Variants in TAS2R1 observed in about 807,000 individuals in gnomAD.
TAS2R1 encodes the protein taste receptor type 2 member 1.
For missense variants in TAS2R1, 370 were observed against 353.4 expected (o/e 1.05, Z -0.38); for synonymous variants, 141 against 134.2 (o/e 1.05, Z -0.35).
At chr5:9,821,767 C>T in the TAS2R1 span, among the ~76,000 whole-genome samples, 1 of 152,176 alleles carries the variant, frequency 6.6e-6, no homozygotes, top group Non-Finnish European at 1.5e-5. Flanking sequence ...TTAATTGTAT[C>T]AGGTTTATTA....
intron 1 of TAS2R1, among the ~76,000 whole-genome samples, chr5:9,688,184 G>A (rs549362088): frequency 1.9e-4 from 29 of 152,256 alleles, no homozygotes; most frequent in East Asian, 5.8e-4. Context: ...GAACCCATGC[G>A]ATTTGACATA....
chr5:9,824,306 A>G, the TAS2R1 span, among the ~76,000 whole-genome samples: 5 of 152,190 alleles, frequency 3.3e-5, no homozygotes, highest in African/African-American at 9.7e-5. Flanking sequence ...TCATGCTTCT[A>G]GTATTTAGGG....
chr5:9,766,896 C>T, the TAS2R1 span, among the ~76,000 whole-genome samples: 61 of 152,282 alleles, frequency 4.0e-4, no homozygotes, highest in East Asian at 4.3e-3. Context: ...TTTCCTCCAC[C>T]GCCCTGGCTG....
intron 2 of TAS2R1, among the ~76,000 whole-genome samples, chr5:9,659,197 C>T (rs1740478950): frequency 6.6e-6 from 1 of 152,124 alleles, no homozygotes; most frequent in South Asian, 2.1e-4. Flanking sequence ...CAATTGCACC[C>T]TACACCCGTG....
At chr5:9,687,723 G>A (rs569343000) in intron 1 of TAS2R1, among the ~76,000 whole-genome samples, 4 of 152,264 alleles carry the variant, frequency 2.6e-5, no homozygotes, top group Non-Finnish European at 4.4e-5. Context: ...TCTGCTCCGC[G>A]GGCCCAAGAG....
upstream of TAS2R1, among the ~76,000 whole-genome samples, chr5:9,631,726 A>G (rs1250962922): frequency 1.3e-5 from 2 of 152,260 alleles, no homozygotes; most frequent in South Asian, 2.1e-4. Flanking sequence ...AGAATACTTA[A>G]GATTAATCTT....
chr5:9,685,279 A>C (rs2126513284), intron 1 of TAS2R1, among the ~76,000 whole-genome samples: 1 of 152,240 alleles, frequency 6.6e-6, no homozygotes, highest in East Asian at 1.9e-4. Flanking sequence ...AAAAATATGA[A>C]CTTTTGCTCT....
At chr5:9,815,018 A>G in the TAS2R1 span, among the ~76,000 whole-genome samples, 1 of 152,264 alleles carries the variant, frequency 6.6e-6, no homozygotes, top group African/African-American at 2.4e-5. Flanking sequence ...AAAGCGAGGC[A>G]GAATGGTGAA....
At chr5:9,752,128 T>A in the TAS2R1 span, among the ~76,000 whole-genome samples, 2 of 152,186 alleles carry the variant, frequency 1.3e-5, no homozygotes, top group African/African-American at 4.8e-5. Context: ...AGATCAGAAA[T>A]CTTTAAAATA....
chr5:9,876,927 G>A, the TAS2R1 span, among the ~76,000 whole-genome samples: 58 of 152,272 alleles, frequency 3.8e-4, no homozygotes, highest in Non-Finnish European at 2.2e-4. Context: ...TCAGGTAAAC[G>A]AAAGGAATGA....
At chr5:9,871,922 G>T in the TAS2R1 span, among the ~76,000 whole-genome samples, 1 of 152,124 alleles carries the variant, frequency 6.6e-6, no homozygotes, top group Non-Finnish European at 1.5e-5. Flanking sequence ...GTACAACTCT[G>T]ATATGGACAT....
the TAS2R1 span, among the ~76,000 whole-genome samples, chr5:9,798,220 G>A: frequency 1.7e-4 from 26 of 152,336 alleles, no homozygotes; most frequent in Middle Eastern, 3.4e-3. Context: ...CTTGAGTTGG[G>A]AGAGGGCTCC....
intron 2 of TAS2R1, among the ~76,000 whole-genome samples, chr5:9,652,021 G>C (rs770834878): frequency 2.0e-5 from 3 of 152,204 alleles, no homozygotes; most frequent in Non-Finnish European, 4.4e-5. Context: ...AGGAAATTTA[G>C]AGGTCTGTTG....
chr5:9,639,945 C>T (rs570725786), intron 2 of TAS2R1, among the ~76,000 whole-genome samples: 1 of 152,246 alleles, frequency 6.6e-6, no homozygotes, highest in East Asian at 1.9e-4. Flanking sequence ...ATTTTATTTT[C>T]TTACACTTGA....
intron 2 of TAS2R1, among the ~76,000 whole-genome samples, chr5:9,638,759 G>A (rs528591839): frequency 1.5e-4 from 23 of 152,246 alleles, no homozygotes; most frequent in African/African-American, 5.5e-4. Flanking sequence ...GGGTTAGGTG[G>A]GTGTGGGCTC....
intron 1 of TAS2R1, among the ~76,000 whole-genome samples, chr5:9,696,209 T>C (rs894984730): frequency 5.1e-4 from 78 of 152,250 alleles, no homozygotes; most frequent in African/African-American, 1.8e-3. Flanking sequence ...TGATAAAATA[T>C]TTGACATGAC....
the TAS2R1 span, among the ~76,000 whole-genome samples, chr5:9,766,470 T>C: frequency 6.6e-6 from 1 of 152,144 alleles, no homozygotes; most frequent in South Asian, 2.1e-4. Context: ...TACAGAATGG[T>C]GGTGAAGCAG....
the TAS2R1 span, among the ~76,000 whole-genome samples, chr5:9,815,779 T>C: frequency 3.3e-5 from 5 of 152,208 alleles, no homozygotes; most frequent in Non-Finnish European, 5.9e-5. Flanking sequence ...GAGCATGCTT[T>C]GTATTTGTTC....
chr5:9,782,051 T>C, the TAS2R1 span, among the ~76,000 whole-genome samples: 84 of 152,356 alleles, frequency 5.5e-4, no homozygotes, highest in African/African-American at 1.8e-3. Flanking sequence ...TAAATATTTG[T>C]GGAATAAATG....
Sources: gnomAD v4.1 joint callset for allele counts (sites outside exome capture counted in the v4.1 genomes callset) on GRCh38, gnomAD v4.1.1 for gene constraint, MANE v1.5 for transcripts, NCBI Gene and HGNC (gene_info 2026-07-23, HGNC 2026-07-21) for gene names.